TBC1D5: variants seen among roughly 807,000 people sequenced by gnomAD.
TBC1D5 encodes TBC1 domain family member 5.
In TBC1D5, 75 loss-of-function variants were observed where a neutral mutation model predicts 100.3. That is an observed-to-expected ratio of 0.75 (90% confidence interval 0.62 to 0.91). The LOEUF (loss-of-function observed/expected upper bound fraction) is 0.91. TBC1D5 is among the 40% of genes least tolerant of loss of function. The probability of loss-of-function intolerance (pLI) is 0.00; values close to 1 mark genes in which losing one functional copy is unlikely to be tolerated. For synonymous variants in TBC1D5, 323 were observed against 325.6 expected, an observed-to-expected ratio of 0.99 and a Z score of 0.09; for missense variants, 910 against 942.4, an observed-to-expected ratio of 0.97 and a Z score of 0.45.
intron 1 of TBC1D5, among the ~76,000 whole-genome samples, chr3:17,738,599 G>A (rs1256743250): frequency 6.6e-6 from 1 of 152,156 alleles, no homozygotes; most frequent in East Asian, 1.9e-4. Flanking sequence ...TCATTCGGAT[G>A]TGCAACAAAT....
chr3:17,661,546 A>G (rs1176677500), intron 1 of TBC1D5, among the ~76,000 whole-genome samples: 1 of 147,702 alleles, frequency 6.8e-6, no homozygotes, highest in East Asian at 2.0e-4. Context: ...CTCTCACTAG[A>G]CCGGAGTGCA....
chr3:17,394,562 CAAG>C (rs1183226325), intron 8 of TBC1D5, among the ~76,000 whole-genome samples: 1 of 151,864 alleles, frequency 6.6e-6, no homozygotes, highest in Non-Finnish European at 1.5e-5. Flanking sequence ...CATATAAACT[CAAG>C]AAAATCTAGG....
intron 2 of TBC1D5, among the ~76,000 whole-genome samples, chr3:17,568,354 T>G (rs868758910): frequency 1.7e-4 from 26 of 151,602 alleles, no homozygotes; most frequent in Middle Eastern, 3.4e-3. Context: ...TAACATAGTT[T>G]GGTTAAAAAA....
intron 3 of TBC1D5, among the ~76,000 whole-genome samples, chr3:17,439,030 T>G (rs1337565496): frequency 6.6e-6 from 1 of 152,130 alleles, no homozygotes; most frequent in Non-Finnish European, 1.5e-5. Flanking sequence ...ACCTATAGAA[T>G]ATTTATATTT....
chr3:17,629,940 A>G (rs1277309420), intron 1 of TBC1D5, among the ~76,000 whole-genome samples: 1 of 152,238 alleles, frequency 6.6e-6, no homozygotes, highest in Non-Finnish European at 1.5e-5. Context: ...TAATTTGTAC[A>G]GAAGTTACAA....
chr3:17,255,759 C>T (rs965135610), intron 16 of TBC1D5, among the ~76,000 whole-genome samples: 39 of 152,212 alleles, frequency 2.6e-4, no homozygotes, highest in African/African-American at 8.7e-4. Context: ...AAGATTTAGG[C>T]CGGGCGCAGT....
At chr3:17,179,659 G>T (rs960791037) in intron 19 of TBC1D5, among the ~76,000 whole-genome samples, 4 of 152,174 alleles carry the variant, frequency 2.6e-5, no homozygotes, top group African/African-American at 9.7e-5. Context: ...TGCAAATAAA[G>T]AACAGCTAGG....
intron 1 of TBC1D5, among the ~76,000 whole-genome samples, chr3:17,648,997 A>G (rs2065277574): frequency 6.6e-6 from 1 of 152,212 alleles, no homozygotes; most frequent in Admixed American, 6.5e-5. Flanking sequence ...AGAGGAATAT[A>G]AATCATTCTA....
chr3:17,193,966 A>G (rs1268788942), intron 18 of TBC1D5, among the ~76,000 whole-genome samples: 1 of 152,212 alleles, frequency 6.6e-6, no homozygotes, highest in Non-Finnish European at 1.5e-5. Flanking sequence ...CTTATTTGGT[A>G]TTCAATTAAT....
chr3:17,165,141 A>G (rs1480679861), intron 21 of TBC1D5, among the ~76,000 whole-genome samples: 1 of 152,168 alleles, frequency 6.6e-6, no homozygotes. Context: ...CACTGCAGAC[A>G]CATCTCATGG....
intron 2 of TBC1D5, among the ~76,000 whole-genome samples, chr3:17,532,139 G>GA (rs1211805647): frequency 1.3e-5 from 2 of 151,882 alleles, no homozygotes; most frequent in Admixed American, 1.3e-4. Flanking sequence ...AAATTTACAA[G>GA]AAAAAAACAA....
At chr3:17,247,988 ATTTTTTTT>A (rs201892029) in intron 16 of TBC1D5, among the ~76,000 whole-genome samples, 4 of 141,176 alleles carry the variant, frequency 2.8e-5, no homozygotes, top group African/African-American at 1.0e-4. Flanking sequence ...TCCTCCACTA[ATTTTTTTT>A]TTTTTTTTTC....
intron 19 of TBC1D5, 150 bp downstream of exon 20, chr3:17,184,959 G>C (rs543358412): frequency 3.5e-5 from 18 of 520,222 alleles, no homozygotes; most frequent in Admixed American, 2.6e-4. Context: ...TAGAGAGTGA[G>C]AGTAAGAGTA....
chr3:17,242,732 T>C (rs555901392), intron 16 of TBC1D5, among the ~76,000 whole-genome samples: 1 of 152,222 alleles, frequency 6.6e-6, no homozygotes, highest in East Asian at 1.9e-4. Context: ...TTTAGATTTA[T>C]TGAATAAAAC....
intron 2 of TBC1D5, among the ~76,000 whole-genome samples, chr3:17,511,449 A>G (rs1297058948): frequency 6.6e-6 from 1 of 152,000 alleles, no homozygotes; most frequent in Non-Finnish European, 1.5e-5. Context: ...CCTAAAATAC[A>G]TAAATAAATG....
intron 3 of TBC1D5, among the ~76,000 whole-genome samples, chr3:17,462,321 A>ATTTTTTTT (rs1188024653): frequency 1.4e-5 from 2 of 143,028 alleles, no homozygotes; most frequent in African/African-American, 5.6e-5. Context: ...TTCGGACCTT[A>ATTTTTTTT]ATTTTTTTTT....
chr3:17,646,114 A>G (rs182895090), intron 1 of TBC1D5, among the ~76,000 whole-genome samples: 37 of 152,250 alleles, frequency 2.4e-4, no homozygotes, highest in African/African-American at 8.9e-4. Context: ...TGATGTCTTT[A>G]TAAGAAGGGT....
intron 13 of TBC1D5, among the ~76,000 whole-genome samples, chr3:17,316,138 T>G (rs1043185430): frequency 3.3e-5 from 5 of 152,166 alleles, no homozygotes; most frequent in African/African-American, 1.2e-4. Flanking sequence ...CATTGCCCAT[T>G]TGCATGTTCA....
intron 14 of TBC1D5, among the ~76,000 whole-genome samples, chr3:17,295,233 G>C (rs1206906727): frequency 1.3e-5 from 2 of 152,216 alleles, no homozygotes; most frequent in African/African-American, 2.4e-5. Context: ...AACTAGATTA[G>C]ATCACTGGCC....
Sources: gnomAD v4.1 joint callset for allele counts (sites outside exome capture counted in the v4.1 genomes callset) on GRCh38, gnomAD v4.1.1 for gene constraint, MANE v1.5 for transcripts, NCBI Gene and HGNC (gene_info 2026-07-23, HGNC 2026-07-21) for gene names.